The following TMEM108 variants were observed in gnomAD, a reference collection of about 807,000 sequenced individuals.
TMEM108 encodes the protein cancer/testis antigen 124.
In TMEM108, 12 loss-of-function variants were observed where a neutral mutation model predicts 35.1. The ratio of observed to expected loss-of-function variants is 0.34; its 90% confidence interval spans 0.22 to 0.55. TMEM108 has a LOEUF of 0.55. TMEM108 is among the 20% of genes least tolerant of loss of function. TMEM108 has a pLI of 0.89. For missense variants in TMEM108, 680 were observed against 753.3 expected, an observed-to-expected ratio of 0.90 and a Z score of 1.14; for synonymous variants, 287 against 308.6, an observed-to-expected ratio of 0.93 and a Z score of 0.73.
At chr3:133,342,555 T>TATATATACAC (rs60991711) in intron 3 of TMEM108, among the ~76,000 whole-genome samples, 13,543 of 64,128 alleles carry the variant, frequency 0.21, 2,897 homozygotes, top group East Asian at 0.49. Context: ...TATATATATA[T>TATATATACAC]ACACACACAC....
At chr3:133,059,251 A>T (rs1028034401) in intron 2 of TMEM108, among the ~76,000 whole-genome samples, 1 of 152,202 alleles carries the variant, frequency 6.6e-6, no homozygotes. Flanking sequence ...GAACACAAAC[A>T]TTCAGTCTGT....
At chr3:133,181,087 C>G (rs565606832) in intron 2 of TMEM108, among the ~76,000 whole-genome samples, 61 of 141,254 alleles carry the variant, frequency 4.3e-4, no homozygotes, top group African/African-American at 1.5e-3. Context: ...AATAAGAGAC[C>G]TTTTCTCAAT....
intron 2 of TMEM108, among the ~76,000 whole-genome samples, chr3:133,209,383 G>A (rs1407334950): frequency 6.6e-6 from 1 of 152,120 alleles, no homozygotes; most frequent in Non-Finnish European, 1.5e-5. Context: ...GATATACCTT[G>A]TCTAATACAA....
At chr3:133,389,300 G>A in intron 4 of TMEM108, 8 of 985,518 alleles carry the variant, frequency 8.1e-6, no homozygotes, top group Non-Finnish European at 9.6e-6. Flanking sequence ...ATGTCACACT[G>A]TGCTCAGTCA....
intron 3 of TMEM108, among the ~76,000 whole-genome samples, chr3:133,268,490 G>A (rs908459894): frequency 9.2e-5 from 14 of 151,834 alleles, no homozygotes; most frequent in Non-Finnish European, 1.5e-5. Flanking sequence ...GGAACACAGA[G>A]GAGAGGAGAC....
intron 4 of TMEM108, chr3:133,387,771 G>A (rs765666641): frequency 2.6e-5 from 24 of 915,798 alleles, no homozygotes; most frequent in Non-Finnish European, 2.9e-5. Context: ...CGCTGAGAGA[G>A]GTTAAGTAAC....
In TMEM108 at chr3:133,396,527, C is replaced by T. The variant is rs2073309121; in HGVS notation, c.*541C>T. ...TGAGTACCCTGGAGCCTTATGACGG[C>T]ACCATTGGATGTCATGTTTAATTCC... On this transcript the variant is annotated 3_prime_UTR_variant, in exon 6 of 6. Coordinates refer to ENST00000321871, the MANE Select transcript of TMEM108 (RefSeq NM_023943.4). The T allele has an allele frequency of 2.0e-5, 3 of 152,192 alleles. No individual in the cohort carries two copies. The highest frequency in any genetic ancestry group is 6.5e-5 in the Admixed American group (1 of 15,276). The allele number at this position is 152,192 out of a possible 1,614,324, so 9.4% of individuals were successfully genotyped here.
intron 3 of TMEM108, among the ~76,000 whole-genome samples, chr3:133,291,284 T>C (rs1947065404): frequency 6.6e-6 from 1 of 151,786 alleles, no homozygotes; most frequent in Admixed American, 6.6e-5. Flanking sequence ...TGTTGTCGTT[T>C]GTTTGTCTAT....
At chr3:133,389,683 C>CA (rs769371033) in intron 4 of TMEM108, 49,761 of 99,988 alleles carry the variant, frequency 0.5, 11,431 homozygotes, top group East Asian at 0.61. Flanking sequence ...TAGACTCCAT[C>CA]AAAAAAAAAA....
chr3:133,204,704 G>A (rs1945725183), intron 2 of TMEM108, among the ~76,000 whole-genome samples: 1 of 152,186 alleles, frequency 6.6e-6, no homozygotes, highest in African/African-American at 2.4e-5. Context: ...ATTTGCTGAG[G>A]AGTGTTTTAC....
At chr3:133,088,348 T>C (rs1943908530) in intron 2 of TMEM108, among the ~76,000 whole-genome samples, 1 of 152,128 alleles carries the variant, frequency 6.6e-6, no homozygotes, top group African/African-American at 2.4e-5. Context: ...AAGAGGGCTT[T>C]GGAGGAGACC....
At chr3:133,080,044 T>C (rs1239364629) in intron 2 of TMEM108, among the ~76,000 whole-genome samples, 1 of 152,184 alleles carries the variant, frequency 6.6e-6, no homozygotes, top group East Asian at 1.9e-4. Context: ...TCTTTCCACA[T>C]ACTTACTTGT....
intron 2 of TMEM108, among the ~76,000 whole-genome samples, chr3:133,052,413 C>T (rs1264019273): frequency 1.3e-5 from 2 of 151,776 alleles, no homozygotes; most frequent in Non-Finnish European, 2.9e-5. Context: ...CCCAGGTGAT[C>T]ATATTATATC....
intron 2 of TMEM108, among the ~76,000 whole-genome samples, chr3:133,139,870 A>T (rs1297466944): frequency 6.6e-6 from 1 of 152,068 alleles, no homozygotes; most frequent in Non-Finnish European, 1.5e-5. Context: ...CCTGTTCCAA[A>T]TATAGTCAGC....
intron 2 of TMEM108, among the ~76,000 whole-genome samples, chr3:133,157,146 T>C (rs1944893532): frequency 6.6e-6 from 1 of 152,216 alleles, no homozygotes; most frequent in South Asian, 2.1e-4. Flanking sequence ...ATGTGTCTGC[T>C]GCATGTTAGA....
At chr3:133,201,902 T>G (rs879658015) in intron 2 of TMEM108, among the ~76,000 whole-genome samples, 3 of 152,222 alleles carry the variant, frequency 2.0e-5, no homozygotes, top group Non-Finnish European at 2.9e-5. Flanking sequence ...TTGAATTAAT[T>G]GACACTCCCA....
At chr3:133,123,188 G>T in intron 2 of TMEM108, among the ~76,000 whole-genome samples, 1 of 152,130 alleles carries the variant, frequency 6.6e-6, no homozygotes, top group Non-Finnish European at 1.5e-5. Context: ...CATTTTTAAT[G>T]GCTATATTGT....
chr3:133,163,190 G>A (rs938673128), intron 2 of TMEM108, among the ~76,000 whole-genome samples: 3 of 152,080 alleles, frequency 2.0e-5, no homozygotes, highest in Non-Finnish European at 4.4e-5. Flanking sequence ...GAAAGCAGAG[G>A]ACAGGTTGGG....
At chr3:133,211,670 C>T (rs992365396) in intron 2 of TMEM108, among the ~76,000 whole-genome samples, 4 of 152,178 alleles carry the variant, frequency 2.6e-5, no homozygotes, top group African/African-American at 9.7e-5. Context: ...TAATAAGCCT[C>T]AAACTCCTGG....
Sources: allele counts gnomAD v4.1 joint callset (sites outside exome capture counted in the v4.1 genomes callset), GRCh38; gene constraint gnomAD v4.1.1; transcripts MANE v1.5; gene names NCBI Gene and HGNC (gene_info 2026-07-23, HGNC 2026-07-21).